The following AKR1C4 variants were observed in gnomAD, a reference collection of about 807,000 sequenced individuals.
AKR1C4 encodes the protein aldo-keto reductase family 1 member C4, also known as 3-alpha-HSD1.
AKR1C4 carries 44 observed loss-of-function variants against 41.0 expected under a neutral mutation model. The observed-to-expected ratio is 1.07, with a 90% CI of 0.84 to 1.38. The LOEUF is 1.38. AKR1C4 is among the 40% of genes most tolerant of loss of function. The pLI, the probability that AKR1C4 is intolerant of heterozygous loss-of-function variation, is 0.00. For missense variants in AKR1C4, 438 were observed against 387.9 expected (o/e 1.13, Z -1.09); for synonymous variants, 165 against 137.7 (o/e 1.20, Z -1.39).
intron 4 of AKR1C4, among the ~76,000 whole-genome samples, chr10:5,206,072 T>A (rs1832479909): frequency 6.6e-6 from 1 of 152,204 alleles, no homozygotes; most frequent in Non-Finnish European, 1.5e-5. Context: ...TGGACATTTA[T>A]CTCTCCAGCT....
chr10:5,218,619 C>A, intron 8 of AKR1C4, 99 bp from the exon 9 acceptor site: 1 of 856,462 alleles, frequency 1.2e-6, no homozygotes, highest in African/African-American at 1.7e-5. Context: ...AACTTCTTAA[C>A]ATTCACACTA....
rs529198618 is a variant in AKR1C4 at position 5,213,139 on chromosome 10, C to T, written c.826C>T (p.Arg276Trp). The T allele has an allele frequency of 4.9e-5, 79 of 1,613,816 alleles. No individual in the cohort carries two copies. Among genetic ancestry groups the T allele is most frequent in the East Asian group, 4.7e-4 (21 of 44,876 alleles). The change falls in exon 7 of 9, where the codon CGG becomes TGG. Residue 276 changes from arginine (R) to tryptophan (W), a missense_variant. Coordinates refer to ENST00000263126, the MANE Select transcript of AKR1C4 (RefSeq NM_001818.5). ...CCTGGCCAAGAGCTACAATGAGCAG[C>T]GGATCAGAGAGAACATCCAGGTGAG... ...VVLAKSYNEQ[R>W]IRENIQVFEF...
chr10:5,218,443 G>C (rs1357855306), intron 8 of AKR1C4, among the ~76,000 whole-genome samples: 1 of 151,588 alleles, frequency 6.6e-6, no homozygotes, highest in Non-Finnish European at 1.5e-5. Flanking sequence ...TCTTTGCTCT[G>C]TTGACAGATA....
chr10:5,216,491 TCA>T (rs2132142085), intron 7 of AKR1C4, among the ~76,000 whole-genome samples: 1 of 152,344 alleles, frequency 6.6e-6, no homozygotes, highest in South Asian at 2.1e-4. Context: ...GATCTTTTCT[TCA>T]GTTTTGTGCA....
At chr10:5,199,340 G>A (rs942733297) in intron 1 of AKR1C4, among the ~76,000 whole-genome samples, 3 of 152,056 alleles carry the variant, frequency 2.0e-5, no homozygotes, top group African/African-American at 4.8e-5. Context: ...TACAGAAAGC[G>A]GGAAGGGAAG....
At chr10:5,202,175 TG>T (rs1554796974) in intron 2 of AKR1C4, among the ~76,000 whole-genome samples, 1 of 152,196 alleles carries the variant, frequency 6.6e-6, no homozygotes, top group African/African-American at 2.4e-5. Context: ...TGTTTCCATT[TG>T]TTTATGTATC....
At chr10:5,205,030 CT>C (rs1315884735) in intron 3 of AKR1C4, among the ~76,000 whole-genome samples, 1 of 152,082 alleles carries the variant, frequency 6.6e-6, no homozygotes, top group Non-Finnish European at 1.5e-5. Context: ...TTGTGCATAA[CT>C]TTTAAATTTA....
intron 2 of AKR1C4, among the ~76,000 whole-genome samples, chr10:5,203,779 A>C (rs1291667470): frequency 6.6e-6 from 1 of 152,132 alleles, no homozygotes; most frequent in African/African-American, 2.4e-5. Flanking sequence ...GGAACAAAAA[A>C]CTCAGACCAG....
rs959224425 is a variant in AKR1C4, at chr10:5,200,034, A to G, written c.85-147A>G. The G allele has an allele frequency of 4.4e-5, 42 of 964,242 alleles. No homozygotes were observed. The East Asian group carries it at 9.2e-4, about 21-fold the overall frequency. 59.7% of individuals were successfully genotyped at this position (964,242 alleles called of 1,614,324 possible). On this transcript the variant is annotated intron_variant, in intron 1 of 8. Transcript: ENST00000263126. ...AGTCCCACAACCTGCCCCCATCTGT[A>G]TGCTCCCCTAGAGGTCTGAGCAGCG...
intron 1 of AKR1C4, among the ~76,000 whole-genome samples, chr10:5,198,982 C>T (rs1832356221): frequency 6.6e-6 from 1 of 152,150 alleles, no homozygotes; most frequent in South Asian, 2.1e-4. Context: ...GATTGTCCCA[C>T]TTCACACCAG....
At chr10:5,211,062 A>G (rs1832567997) in intron 5 of AKR1C4, among the ~76,000 whole-genome samples, 1 of 152,204 alleles carries the variant, frequency 6.6e-6, no homozygotes, top group Non-Finnish European at 1.5e-5. Flanking sequence ...CAGGGCACCA[A>G]GTCCCTAGAC....
intron 7 of AKR1C4, among the ~76,000 whole-genome samples, chr10:5,214,008 AAT>A (rs779570081): frequency 2.0e-5 from 3 of 148,950 alleles, no homozygotes; most frequent in Non-Finnish European, 4.5e-5. Flanking sequence ...GAAACATGAC[AAT>A]ATGTTAATAT....
At position 5,203,115 on chromosome 10, in the gene AKR1C4, G is replaced by A. The variant is rs901820936; in HGVS notation, c.253-1262G>A. Reference sequence around the variant, plus strand: ...CAGTTCTTCTTTGAACATCTCCTGTGGAGATAGCAACTTTGGCTTTCAAGC... The same window carrying A: ...CAGTTCTTCTTTGAACATCTCCTGTAGAGATAGCAACTTTGGCTTTCAAGC... On this transcript the variant is annotated intron_variant, in intron 2 of 8. Coordinates refer to ENST00000263126, the MANE Select transcript of AKR1C4 (RefSeq NM_001818.5). 2.0e-5 allele frequency among the ~76,000 whole-genome samples: 3 copies of A among 151,988 alleles called. No individual in the cohort carries two copies. In the South Asian group the frequency reaches 6.2e-4, roughly 32 times the overall value.
rs782307050 is a variant in AKR1C4 at position 5,205,762 on chromosome 10, T to C, written c.375T>C (p.Gly125=). ...LLHFPMALKP[G]ETPLPKDENG... is the part of the protein sequence containing the mutation. ...AGTGACTGCTTCTACTTCAGCCAGG[T>C]GAGACGCCACTACCAAAAGATGAAA... Residue 125 remains glycine, a synonymous_variant, in exon 4 of 9, where the codon GGT becomes GGC. Transcript: ENST00000263126. 6.2e-6 allele frequency: 10 copies of C among 1,613,224 alleles called. No individual in the cohort carries two copies. The East Asian group carries it at 1.8e-4, about 29-fold the overall frequency.
intron 7 of AKR1C4, 75 bp downstream of exon 7, chr10:5,213,234 C>A (rs1209486770): frequency 1.3e-6 from 2 of 1,568,806 alleles, no homozygotes; most frequent in South Asian, 1.2e-5. Flanking sequence ...GTTCTCAGGA[C>A]ACCCTTGGAC....
At chr10:5,202,977 GTGTGTT>G (rs1191118309) in intron 2 of AKR1C4, among the ~76,000 whole-genome samples, 3 of 119,322 alleles carry the variant, frequency 2.5e-5, no homozygotes, top group African/African-American at 8.8e-5. Context: ...GTGTGTGTGT[GTGTGTT>G]ATGTCCTTTC....
At chr10:5,197,835 T>G (rs1832334673) in intron 1 of AKR1C4, among the ~76,000 whole-genome samples, 1 of 152,186 alleles carries the variant, frequency 6.6e-6, no homozygotes, top group Non-Finnish European at 1.5e-5. Flanking sequence ...TAATGCAAAT[T>G]GGCATGAAGG....
At chr10:5,211,066 C>G (rs4427472) in intron 5 of AKR1C4, among the ~76,000 whole-genome samples, 56,073 of 152,074 alleles carry the variant, frequency 0.37, 11,722 homozygotes, top group Non-Finnish European at 0.47. Context: ...GCACCAAGTC[C>G]CTAGACTGCA....
At chr10:5,210,507 A>G (rs1339389973) in intron 5 of AKR1C4, among the ~76,000 whole-genome samples, 1 of 152,190 alleles carries the variant, frequency 6.6e-6, no homozygotes, top group Non-Finnish European at 1.5e-5. Context: ...GAAGTTCACC[A>G]TGAGAGTGCA....
Sources: gnomAD v4.1 joint callset for allele counts (sites outside exome capture counted in the v4.1 genomes callset) on GRCh38, gnomAD v4.1.1 for gene constraint, MANE v1.5 for transcripts, NCBI Gene and HGNC (gene_info 2026-07-23, HGNC 2026-07-21) for gene names.